The following SLC37A2 variants were observed in gnomAD, a reference collection of about 807,000 sequenced individuals.
The protein encoded by SLC37A2 is glucose-6-phosphate exchanger SLC37A2.
In SLC37A2, 59 loss-of-function variants were observed where a neutral mutation model predicts 70.7. The ratio of observed to expected loss-of-function variants is 0.83; its 90% CI spans 0.68 to 1.04. The LOEUF is 1.04. Ranked by LOEUF, SLC37A2 falls within the 50% of genes least tolerant of loss-of-function variation. The pLI, the probability that SLC37A2 is intolerant of heterozygous loss-of-function variation, is 0.00. For synonymous variants in SLC37A2, 257 were observed against 262.1 expected, an observed-to-expected ratio of 0.98 and a Z score of 0.19; for missense variants, 580 against 658.1, an observed-to-expected ratio of 0.88 and a Z score of 1.30.
At chr11:125,082,106 T>C (rs1949157184) in intron 9 of SLC37A2, 138 bp from the exon 10 acceptor site, 1 of 992,400 alleles carries the variant, frequency 1.0e-6, no homozygotes, top group Non-Finnish European at 1.6e-6. Flanking sequence ...TTGCTTTTAT[T>C]GGGACTGGAT....
chr11:125,087,633 C>CT (rs201240101), intron 17 of SLC37A2: 4,087 of 140,894 alleles, frequency 0.029, 62 homozygotes, highest in Middle Eastern at 0.068. Context: ...TATTTAATTT[C>CT]TTTTTTTTTT....
chr11:125,077,005 G>A (rs180839462), intron 2 of SLC37A2, among the ~76,000 whole-genome samples, 167 bp downstream of exon 2: 9 of 152,278 alleles, frequency 5.9e-5, no homozygotes, highest in East Asian at 5.8e-4. Context: ...CAGCTGTGTC[G>A]GTGGCTGTGG....
chr11:125,074,978 G>C (rs1949067987), intron 1 of SLC37A2, among the ~76,000 whole-genome samples: 1 of 152,218 alleles, frequency 6.6e-6, no homozygotes, highest in Non-Finnish European at 1.5e-5. Context: ...CAGGGACCTG[G>C]GGACTGGGGG....
chr11:125,081,722 C>T lies in SLC37A2; in HGVS notation c.733-32C>T, dbSNP rs562147102. On this transcript the variant is annotated intron_variant, in intron 8 of 17. Coordinates refer to ENST00000403796, the MANE Select transcript of SLC37A2 (RefSeq NM_001145290.2). ...GCTGGTGGGAGGCAGCACATGGACGCACCCACAGCAGGGCTCATCTCCTCT... is the reference window on the plus strand; with the variant it reads ...GCTGGTGGGAGGCAGCACATGGACGTACCCACAGCAGGGCTCATCTCCTCT... 65 of 1,537,910 alleles carry T rather than the reference C, an allele frequency of 4.2e-5. No individual in the cohort carries two copies. The South Asian group carries it at 7.3e-4, about 17-fold the overall frequency.
In SLC37A2 at chr11:125,085,642, A is replaced by G. The variant is rs778505562; in HGVS notation, c.1393A>G (p.Met465Val). The stretch of plus-strand genomic sequence containing the variant: ...CACGGGCTGGAACAATGTCTTCTAC[A>G]TGCTCATCTCTGCCGACGTCCTAGC... ...SPTGWNNVFY[M>V]LISADVLACL... The change falls in exon 16 of 18, where the codon ATG (methionine) becomes GTG (valine). Residue 465 changes from methionine (M) to valine (V), a missense_variant. By Grantham distance (21) the Met-to-Val change is conservative. Transcript: ENST00000403796. 1.6e-5 allele frequency: 26 copies of G among 1,613,626 alleles called. No homozygotes were observed. Among genetic ancestry groups the G allele is most frequent in the Non-Finnish European group, 1.9e-5 (22 of 1,180,006 alleles).
intron 2 of SLC37A2, 75 bp downstream of exon 2, chr11:125,076,913 C>T (rs61912692): frequency 0.18 from 250,986 of 1,431,114 alleles, 23,183 homozygotes; most frequent in Non-Finnish European, 0.19. Flanking sequence ...CCATGGCCAC[C>T]GAGGTTGCAC....
At chr11:125,072,803 A>G (rs1483815457) in intron 1 of SLC37A2, among the ~76,000 whole-genome samples, 1 of 152,160 alleles carries the variant, frequency 6.6e-6, no homozygotes, top group African/African-American at 2.4e-5. Flanking sequence ...CTCTTAGAAC[A>G]CCTGACAATG....
In SLC37A2 at chr11:125,080,499, G is replaced by A. The variant is rs1306855657; in HGVS notation, c.528-115G>A. 1.5e-5 allele frequency: 15 copies of A among 1,019,820 alleles called. No individual in the cohort carries two copies. In the Admixed American group the frequency reaches 3.1e-4, roughly 21 times the overall value. 63.2% of individuals were successfully genotyped at this position (1,019,820 alleles called of 1,614,324 possible). A position where few individuals can be genotyped will look rare whatever the true frequency, so the allele number is the denominator to read the frequency against. On this transcript the variant is annotated intron_variant, in intron 6 of 17. Coordinates refer to ENST00000403796, the MANE Select transcript of SLC37A2 (RefSeq NM_001145290.2). The surrounding 1 kb of genome is among the most constrained non-coding windows in gnomAD (Gnocchi z 4.3). ...TTGGGGCTTTGGGGCTGTCTTTGGTGCCTCGGGGAAGCTGTAGTCAGCCCA... is the reference window on the plus strand; with the variant it reads ...TTGGGGCTTTGGGGCTGTCTTTGGTACCTCGGGGAAGCTGTAGTCAGCCCA...
intron 7 of SLC37A2, among the ~76,000 whole-genome samples, chr11:125,081,068 G>A (rs1949141691): frequency 1.3e-5 from 2 of 152,222 alleles, no homozygotes; most frequent in Admixed American, 1.3e-4. Flanking sequence ...TGTGATCAGG[G>A]AGGGTGGAGT....
rs1949155514 is a variant in SLC37A2 at position 125,081,926 on chromosome 11, G to A, written c.885+20G>A. ...ATCCCAGTAAGAAGTTTGTGGAATG[G>A]AGGAAAGAGAGGGGCTTTCCAGATT... On this transcript the variant is annotated intron_variant, in intron 9 of 17. Coordinates refer to ENST00000403796, the MANE Select transcript of SLC37A2 (RefSeq NM_001145290.2). 1 of 1,583,534 alleles carries A rather than the reference G, an allele frequency of 6.3e-7. No individual in the cohort carries two copies. The highest frequency in any genetic ancestry group is 1.8e-5 in the Admixed American group (1 of 54,252).
rs1417978499 is a variant in SLC37A2 at position 125,063,549 on chromosome 11, G to A, written c.59+123G>A. The A allele has an allele frequency of 1.2e-6, 1 of 865,720 alleles. No individual in the cohort carries two copies. The highest frequency in any genetic ancestry group is 2.9e-5 in the Admixed American group (1 of 34,724). 53.6% of individuals were successfully genotyped at this position (865,720 alleles called of 1,614,324 possible). The stretch of plus-strand genomic sequence containing the variant: ...GCGTCGCCGCGTGGCCAGGGGTGCT[G>A]GGGGGACTTGGTCCCGAGCTCCTCC... On this transcript the variant is annotated intron_variant, in intron 1 of 17. Coordinates refer to ENST00000403796, the MANE Select transcript of SLC37A2 (RefSeq NM_001145290.2). This position sits in a 1 kb window ranked among gnomAD's most constrained non-coding sequence, Gnocchi z 5.4.
chr11:125,079,066 T>A lies in SLC37A2; in HGVS notation c.315-46T>A, dbSNP rs1225503720. ...GCAGAAACATGGTAGGGAGTTGAGG[T>A]GGACACAGAGGAGCTTAACCGCAGA... On this transcript the variant is annotated intron_variant, in intron 4 of 17. Transcript: ENST00000403796. The A allele has an allele frequency of 1.9e-6, 3 of 1,612,600 alleles. No homozygotes were observed. The East Asian group carries it at 6.7e-5, about 36-fold the overall frequency.
intron 7 of SLC37A2, among the ~76,000 whole-genome samples, chr11:125,081,096 A>G (rs531914690): frequency 6.6e-6 from 1 of 152,292 alleles, no homozygotes; most frequent in South Asian, 2.1e-4. Flanking sequence ...ACATTGTTAC[A>G]GTGACCAGGC....
Position 125,063,432 on chromosome 11 carries a change from C to T in SLC37A2, c.59+6C>T, listed in dbSNP as rs1463939545. On this transcript the variant is annotated splice_donor_region_variant and intron_variant, in intron 1 of 17. Transcript: ENST00000403796. The surrounding 1 kb of genome is among the most constrained non-coding windows in gnomAD (Gnocchi z 5.4). ...GCCTTCTCCAGGGACAGCTGGTGAGCGGGGCAGGGGAGGGAGGCGTGCCGG... is the reference window on the plus strand; with the variant it reads ...GCCTTCTCCAGGGACAGCTGGTGAGTGGGGCAGGGGAGGGAGGCGTGCCGG... 2 of 1,609,806 alleles carry T rather than the reference C, an allele frequency of 1.2e-6. No individual in the cohort carries two copies. The highest frequency in any genetic ancestry group is 1.7e-6 in the Non-Finnish European group (2 of 1,178,528).
At chr11:125,076,937 G>GCTCCCA (rs1242391349) in intron 2 of SLC37A2, 99 bp downstream of exon 2, 13 of 1,138,548 alleles carry the variant, frequency 1.1e-5, no homozygotes, top group Non-Finnish European at 1.7e-5. Context: ...CACCTGGCAG[G>GCTCCCA]CTCCCACTCT....
chr11:125,069,526 T>C (rs1364618095), intron 1 of SLC37A2, among the ~76,000 whole-genome samples: 2 of 152,254 alleles, frequency 1.3e-5, no homozygotes, highest in African/African-American at 2.4e-5. Context: ...GTAGTTGGTA[T>C]TGGCTAGGTG....
chr11:125,087,503 T>C (rs1438777052), intron 17 of SLC37A2: 3 of 153,334 alleles, frequency 2.0e-5, no homozygotes, highest in Admixed American at 6.5e-5. Context: ...CACATCTTTA[T>C]GTATGAATGG....
chr11:125,078,409 G>A (rs1035816293), intron 4 of SLC37A2, among the ~76,000 whole-genome samples: 6 of 152,254 alleles, frequency 3.9e-5, no homozygotes, highest in Non-Finnish European at 7.3e-5. Context: ...TGGTCATACA[G>A]AGTGACCAAT....
In SLC37A2 at chr11:125,080,488, C is replaced by A; in HGVS notation, c.528-126C>A. On this transcript the variant is annotated intron_variant, in intron 6 of 17. Coordinates refer to ENST00000403796, the MANE Select transcript of SLC37A2 (RefSeq NM_001145290.2). The surrounding 1 kb of genome is among the most constrained non-coding windows in gnomAD (Gnocchi z 4.3). ...TCCTTGCTGACTTGGGGCTTTGGGG[C>A]TGTCTTTGGTGCCTCGGGGAAGCTG... The A allele has an allele frequency of 2.3e-6, 2 of 868,286 alleles. No homozygotes were observed. The highest frequency in any genetic ancestry group is 3.2e-6 in the Non-Finnish European group (2 of 625,496). The allele number at this position is 868,286 out of a possible 1,614,324, so 53.8% of individuals were successfully genotyped here.
Sources: gnomAD v4.1 joint callset for allele counts (sites outside exome capture counted in the v4.1 genomes callset) on GRCh38, gnomAD v4.1.1 for gene constraint, Gnocchi (gnomAD v3.1) non-coding constraint, MANE v1.5 for transcripts, NCBI Gene and HGNC (gene_info 2026-07-23, HGNC 2026-07-21) for gene names.